DPP6: variants seen among roughly 807,000 people sequenced by gnomAD.
DPP6 encodes A-type potassium channel modulatory protein DPP6.
In DPP6, 69 loss-of-function variants were observed where a neutral mutation model predicts 122.6. The observed-to-expected ratio is 0.56, with a 90% CI of 0.46 to 0.69. The LOEUF is 0.69. Among genes scored for constraint, DPP6 ranks in the 30% least tolerant of loss-of-function variants. The pLI, the probability that DPP6 is intolerant of heterozygous loss-of-function variation, is 0.00. For missense variants in DPP6, 928 were observed against 1,116.9 expected (o/e 0.83, Z 2.41); for synonymous variants, 418 against 433.1 (o/e 0.97, Z 0.43).
At chr7:154,024,160 G>A (rs541684184) in intron 1 of DPP6, among the ~76,000 whole-genome samples, 1 of 152,258 alleles carries the variant, frequency 6.6e-6, no homozygotes, top group African/African-American at 2.4e-5. Context: ...AGCAAATACA[G>A]TATTTATCAC....
chr7:154,294,568 C>T (rs1017176875), intron 1 of DPP6, among the ~76,000 whole-genome samples: 8 of 152,072 alleles, frequency 5.3e-5, no homozygotes, highest in African/African-American at 1.9e-4. Flanking sequence ...AGTATGGGCA[C>T]GTGAAGGTTT....
chr7:154,877,890 G>A lies in DPP6; in HGVS notation c.2078+1790G>A, dbSNP rs532007474. Among the ~76,000 whole-genome samples, 9 of 152,286 alleles carry A rather than the reference G, an allele frequency of 5.9e-5. No individual in the cohort carries two copies. The highest frequency in any genetic ancestry group is 5.2e-4 in the Admixed American group (8 of 15,298). ...GGAATGCTGGGGTTCAGTGTGGAAG[G>A]AGGATGGGTGGGTGGCTGCTGGGTC... On this transcript the variant is annotated intron_variant, in intron 20 of 25. Transcript: ENST00000377770. The surrounding 1 kb of genome is among the most constrained non-coding windows in gnomAD (Gnocchi z 5.2).
intron 3 of DPP6, among the ~76,000 whole-genome samples, chr7:154,485,996 T>C (rs1823758775): frequency 6.7e-6 from 1 of 148,982 alleles, no homozygotes; most frequent in Admixed American, 6.7e-5. Context: ...TACCTTTACT[T>C]TAGAAATAAG....
intron 1 of DPP6, among the ~76,000 whole-genome samples, chr7:154,385,706 G>A (rs1426242369): frequency 1.3e-5 from 2 of 152,146 alleles, no homozygotes; most frequent in East Asian, 3.9e-4. Context: ...CCAGTTGATG[G>A]CACCTGTGTA....
intron 16 of DPP6, among the ~76,000 whole-genome samples, chr7:154,820,211 G>A (rs1484179158): frequency 2.0e-5 from 3 of 152,212 alleles, no homozygotes; most frequent in East Asian, 1.9e-4. Flanking sequence ...CACGGGACAC[G>A]CGAAAGGGAG....
chr7:154,539,186 T>G (rs1383476443), intron 3 of DPP6, among the ~76,000 whole-genome samples: 1 of 152,174 alleles, frequency 6.6e-6, no homozygotes, highest in Non-Finnish European at 1.5e-5. Context: ...AGTGTTTTCC[T>G]TCTCCCCACT....
intron 1 of DPP6, among the ~76,000 whole-genome samples, chr7:154,347,245 G>A (rs749214937): frequency 6.6e-6 from 1 of 152,194 alleles, no homozygotes; most frequent in Non-Finnish European, 1.5e-5. Context: ...ACCAACTCTC[G>A]ATTCAGGGTT....
At chr7:154,791,767 G>T (rs1282460547) in intron 10 of DPP6, among the ~76,000 whole-genome samples, 1 of 152,224 alleles carries the variant, frequency 6.6e-6, no homozygotes, top group Non-Finnish European at 1.5e-5. Flanking sequence ...GAACAGTACT[G>T]TGACTCCGCG....
chr7:154,883,180 A>C (rs1418960892), intron 21 of DPP6, among the ~76,000 whole-genome samples: 4 of 98,752 alleles, frequency 4.1e-5, no homozygotes, highest in Admixed American at 1.0e-4. Flanking sequence ...CACATACACA[A>C]ATGCTCACAT....
intron 8 of DPP6, among the ~76,000 whole-genome samples, chr7:154,749,707 GA>G (rs1425419403): frequency 8.6e-5 from 4 of 46,378 alleles, no homozygotes; most frequent in African/African-American, 1.6e-4. Flanking sequence ...GAGAGGGATG[GA>G]GGCTTTACTG....
upstream of DPP6, among the ~76,000 whole-genome samples, chr7:154,050,453 CA>C (rs1303713744): frequency 6.6e-6 from 1 of 152,034 alleles, no homozygotes; most frequent in Admixed American, 6.6e-5. Context: ...ATGTATATTA[CA>C]TAAGTGGGAC....
At chr7:154,265,726 A>C (rs1803376890) in intron 1 of DPP6, among the ~76,000 whole-genome samples, 1 of 152,126 alleles carries the variant, frequency 6.6e-6, no homozygotes, top group African/African-American at 2.4e-5. Context: ...GGAAAAGAAA[A>C]ATATTTTATT....
At chr7:154,720,319 C>T (rs528231728) in intron 7 of DPP6, among the ~76,000 whole-genome samples, 83 of 152,332 alleles carry the variant, frequency 5.4e-4, no homozygotes, top group African/African-American at 1.9e-3. Context: ...GTGGCCTTGC[C>T]TGTCCTGGAA....
At chr7:153,840,252 A>G in the DPP6 span, among the ~76,000 whole-genome samples, 2 of 152,204 alleles carry the variant, frequency 1.3e-5, no homozygotes, top group Admixed American at 6.5e-5. Flanking sequence ...TATCAGAGAA[A>G]AAAAACATAC....
chr7:154,063,940 C>G lies in DPP6; in HGVS notation c.243+10877C>G, dbSNP rs190533507. Among the ~76,000 whole-genome samples, 244 of 151,892 alleles carry G rather than the reference C, an allele frequency of 1.6e-3. 1 individual carries two copies. The highest frequency in any genetic ancestry group is 5.6e-3 in the African/African-American group (232 of 41,420). On this transcript the variant is annotated intron_variant, in intron 1 of 25. Transcript: ENST00000377770. ...TCGGGAAGCCTCCAGGGACAGAGCACAGCTAGAGCATCCAAGAATGAGAAG... is the reference window on the plus strand; with the variant it reads ...TCGGGAAGCCTCCAGGGACAGAGCAGAGCTAGAGCATCCAAGAATGAGAAG...
intron 1 of DPP6, among the ~76,000 whole-genome samples, chr7:153,929,366 G>A (rs1032361185): frequency 3.3e-5 from 5 of 152,110 alleles, no homozygotes; most frequent in African/African-American, 7.2e-5. Flanking sequence ...CAGTTGCTTC[G>A]TGTTGTGATT....
At chr7:154,093,694 T>C (rs1168255034) in intron 1 of DPP6, 1 of 151,428 alleles carries the variant, frequency 6.6e-6, no homozygotes, top group Non-Finnish European at 1.5e-5. Context: ...CCCCCACCAC[T>C]TGGAGCCACT....
chr7:154,426,343 A>G (rs1168050984), intron 1 of DPP6, among the ~76,000 whole-genome samples: 4 of 152,204 alleles, frequency 2.6e-5, no homozygotes, highest in Non-Finnish European at 4.4e-5. Flanking sequence ...TCTACATTCG[A>G]AAGAACTTTT....
chr7:154,844,226 A>G (rs1801780048), intron 16 of DPP6, among the ~76,000 whole-genome samples: 3 of 152,244 alleles, frequency 2.0e-5, no homozygotes, highest in Admixed American at 1.3e-4. Flanking sequence ...GCATAAGATC[A>G]TTTGGAAGAA....
Sources: allele counts gnomAD v4.1 joint callset (sites outside exome capture counted in the v4.1 genomes callset), GRCh38; gene constraint gnomAD v4.1.1; non-coding constraint Gnocchi (gnomAD v3.1); transcripts MANE v1.5; gene names NCBI Gene and HGNC (gene_info 2026-07-23, HGNC 2026-07-21).